PTPRA: variants seen among roughly 807,000 people sequenced by gnomAD.
PTPRA encodes the protein protein tyrosine phosphatase receptor type A.
In PTPRA, 25 loss-of-function variants were observed where a neutral mutation model predicts 104.8. The observed-to-expected ratio is 0.24, with a 90% CI of 0.17 to 0.33. The LOEUF is 0.33. Among genes scored for constraint, PTPRA ranks in the 10% least tolerant of loss-of-function variants. The pLI is 1.00. For synonymous variants in PTPRA, 323 were observed against 368.9 expected (o/e 0.88, Z 1.43); for missense variants, 765 against 1,015.3 (o/e 0.75, Z 3.35).
chr20:3,009,687 G>A (rs6138979), intron 11 of PTPRA, among the ~76,000 whole-genome samples: 2,308 of 152,196 alleles, frequency 0.015, 118 homozygotes, highest in Admixed American at 0.09. Flanking sequence ...AATGGAGAAA[G>A]GCTAGTAATC....
intron 9 of PTPRA, among the ~76,000 whole-genome samples, chr20:3,003,376 T>C (rs1053096852): frequency 2.0e-5 from 3 of 152,222 alleles, no homozygotes; most frequent in Admixed American, 2.0e-4. Context: ...AATGATGAAG[T>C]AAATAATTAG....
At chr20:2,986,562 C>T (rs2062920262) in intron 6 of PTPRA, among the ~76,000 whole-genome samples, 1 of 152,124 alleles carries the variant, frequency 6.6e-6, no homozygotes, top group Non-Finnish European at 1.5e-5. Flanking sequence ...ATCCTGGGCC[C>T]CATGCTCTCT....
chr20:2,916,829 G>A (rs1450606070), intron 1 of PTPRA, among the ~76,000 whole-genome samples: 1 of 152,092 alleles, frequency 6.6e-6, no homozygotes, highest in Admixed American at 6.5e-5. Context: ...TTTGGTTACC[G>A]GTGCTTTGCA....
intron 1 of PTPRA, among the ~76,000 whole-genome samples, chr20:2,877,405 A>G (rs2089790628): frequency 6.6e-6 from 1 of 152,118 alleles, no homozygotes; most frequent in Non-Finnish European, 1.5e-5. Flanking sequence ...GATTACAGGC[A>G]TGTGTCACTG....
intron 14 of PTPRA, 54 bp from the exon 15 acceptor site, chr20:3,022,000 T>C (rs2064895982): frequency 6.2e-7 from 1 of 1,602,276 alleles, no homozygotes; most frequent in East Asian, 2.2e-5. Flanking sequence ...CCTCCCCTGG[T>C]ACTGCCCACC....
chr20:3,004,939 T>C, intron 9 of PTPRA, 117 bp from the exon 10 acceptor site: 1 of 903,232 alleles, frequency 1.1e-6, no homozygotes, highest in South Asian at 1.6e-5. Flanking sequence ...CCTGGGCCCA[T>C]GTTTTTCCCC....
chr20:2,992,300 T>C (rs539035936), intron 9 of PTPRA, among the ~76,000 whole-genome samples: 2 of 152,244 alleles, frequency 1.3e-5, no homozygotes, highest in South Asian at 4.1e-4. Flanking sequence ...ACAGATCACC[T>C]GAGGTCAGAA....
At chr20:3,002,659 T>A (rs1334546863) in intron 9 of PTPRA, among the ~76,000 whole-genome samples, 1 of 152,172 alleles carries the variant, frequency 6.6e-6, no homozygotes, top group Non-Finnish European at 1.5e-5. Context: ...AGAATATGTC[T>A]CAAATGCATC....
In PTPRA at chr20:3,037,203, G is replaced by T; in HGVS notation, c.2248G>T (p.Glu750Ter). The change falls in exon 23 of 24, where the codon GAG becomes TAG. Residue 750 changes from glutamate (E) to a stop codon, truncating the protein, a stop_gained. Coordinates refer to ENST00000399903, the MANE Select transcript of PTPRA (RefSeq NM_001385305.1). LOFTEE classifies it high-confidence loss of function. This position sits in a 1 kb window ranked among gnomAD's most constrained non-coding sequence, Gnocchi z 4.3. ...GTFCALSTVL[E>*]RVKAEGILDV... Reference sequence around the variant, plus strand: ...CTTCTGTGCCCTGAGCACCGTCCTGGAGCGTGTGAAAGCAGAGGGGATTTT... The same window carrying T: ...CTTCTGTGCCCTGAGCACCGTCCTGTAGCGTGTGAAAGCAGAGGGGATTTT... The T allele has an allele frequency of 6.2e-7, 1 of 1,614,228 alleles. No homozygotes were observed. The highest frequency in any genetic ancestry group is 8.5e-7 in the Non-Finnish European group (1 of 1,180,042).
chr20:2,911,575 A>G (rs1336367293), intron 1 of PTPRA, among the ~76,000 whole-genome samples: 3 of 152,186 alleles, frequency 2.0e-5, no homozygotes, highest in Non-Finnish European at 4.4e-5. Flanking sequence ...TTTCATGTGG[A>G]AAAGGAATAA....
At chr20:2,958,963 TC>T (rs1452043633) in intron 3 of PTPRA, among the ~76,000 whole-genome samples, 1 of 151,740 alleles carries the variant, frequency 6.6e-6, no homozygotes, top group Non-Finnish European at 1.5e-5. Context: ...GAAATGGAGC[TC>T]TGAGATGTTG....
upstream of PTPRA, among the ~76,000 whole-genome samples, chr20:2,868,890 T>C (rs2089395545): frequency 6.6e-6 from 1 of 152,138 alleles, no homozygotes; most frequent in African/African-American, 2.4e-5. Context: ...ACTGTACATA[T>C]GAAGTTTTAG....
In PTPRA at chr20:2,950,733, T is replaced by C. The variant is rs975361642; in HGVS notation, c.-7+2709T>C. The stretch of plus-strand genomic sequence containing the variant: ...TTTTGGCTTTGTTTCATTTTTATTA[T>C]ACAATAAAATGAAATTCTTTTCATT... On this transcript the variant is annotated intron_variant, in intron 3 of 23. Coordinates refer to ENST00000399903, the MANE Select transcript of PTPRA (RefSeq NM_001385305.1). The surrounding 1 kb of genome is among the most constrained non-coding windows in gnomAD (Gnocchi z 4.0). Among the ~76,000 whole-genome samples, 2 of 152,212 alleles carry C rather than the reference T, an allele frequency of 1.3e-5. No individual in the cohort carries two copies. The highest frequency in any genetic ancestry group is 2.9e-5 in the Non-Finnish European group (2 of 68,022).
intron 9 of PTPRA, among the ~76,000 whole-genome samples, chr20:3,002,740 C>G (rs1250369758): frequency 6.6e-6 from 1 of 152,172 alleles, no homozygotes; most frequent in Non-Finnish European, 1.5e-5. Context: ...CATACAATAA[C>G]AAGTAATTCT....
rs1424736528 is a variant in PTPRA at position 2,950,598 on chromosome 20, G to T, written c.-7+2574G>T. 6.6e-6 allele frequency among the ~76,000 whole-genome samples: 1 copy of T among 151,006 alleles called. No homozygotes were observed. The highest frequency in any genetic ancestry group is 2.4e-5 in the African/African-American group (1 of 41,044). The stretch of plus-strand genomic sequence containing the variant: ...GCGGAGGTTGCAGTGAGCCGAGATC[G>T]CACCACTGCACTCCAGCCTGGGCGA... On this transcript the variant is annotated intron_variant, in intron 3 of 23. Coordinates refer to ENST00000399903, the MANE Select transcript of PTPRA (RefSeq NM_001385305.1). This position sits in a 1 kb window ranked among gnomAD's most constrained non-coding sequence, Gnocchi z 4.0.
chr20:3,023,166 C>T (rs148034279), intron 16 of PTPRA, among the ~76,000 whole-genome samples: 428 of 152,320 alleles, frequency 2.8e-3, no homozygotes, highest in Non-Finnish European at 3.4e-3. Context: ...AATGTGTTTG[C>T]AGGCAGTATG....
At chr20:3,028,264 C>T (rs1018070940) in intron 20 of PTPRA, among the ~76,000 whole-genome samples, 2 of 152,096 alleles carry the variant, frequency 1.3e-5, no homozygotes, top group African/African-American at 4.8e-5. Context: ...TATGAGTGTC[C>T]CTAAGAAGGG....
At chr20:3,006,235 C>A (rs908698315) in intron 10 of PTPRA, among the ~76,000 whole-genome samples, 11 of 152,060 alleles carry the variant, frequency 7.2e-5, no homozygotes, top group Middle Eastern at 3.2e-3. Flanking sequence ...GCCACCCAAG[C>A]TGGGGTGCAA....
chr20:2,992,797 A>G (rs557348909), intron 9 of PTPRA, among the ~76,000 whole-genome samples: 2 of 152,312 alleles, frequency 1.3e-5, no homozygotes, highest in South Asian at 2.1e-4. Context: ...AGATCACTCA[A>G]TAAATTGGTC....
Sources: gnomAD v4.1 joint callset for allele counts (sites outside exome capture counted in the v4.1 genomes callset) on GRCh38, gnomAD v4.1.1 for gene constraint, Gnocchi (gnomAD v3.1) non-coding constraint, MANE v1.5 for transcripts, NCBI Gene and HGNC (gene_info 2026-07-23, HGNC 2026-07-21) for gene names.